Variants in UNC5D observed in about 807,000 individuals in gnomAD.
UNC5D encodes netrin receptor UNC5D.
Under a neutral mutation model 105.4 loss-of-function variants are expected in UNC5D, and 39 were observed. The observed-to-expected ratio is 0.37, with a 90% confidence interval of 0.29 to 0.48. The LOEUF is 0.48. UNC5D is among the 20% of genes least tolerant of loss of function. The probability of loss-of-function intolerance (pLI) is 0.98; values close to 1 mark genes in which losing one functional copy is unlikely to be tolerated. For missense variants in UNC5D, 991 were observed against 1,202.4 expected (o/e 0.82, Z 2.60); for synonymous variants, 452 against 450.4 (o/e 1.00, Z -0.04).
At chr8:35,521,572 G>A (rs953476002) in intron 1 of UNC5D, among the ~76,000 whole-genome samples, 2 of 152,090 alleles carry the variant, frequency 1.3e-5, no homozygotes, top group African/African-American at 4.8e-5. Context: ...CAAAACAGGA[G>A]TCCTCAAAAT....
At chr8:35,380,282 G>C (rs1017146774) in intron 1 of UNC5D, among the ~76,000 whole-genome samples, 10 of 151,060 alleles carry the variant, frequency 6.6e-5, no homozygotes, top group African/African-American at 2.4e-4. Flanking sequence ...TAAGGTCCTA[G>C]TCCCACTATG....
intron 2 of UNC5D, among the ~76,000 whole-genome samples, chr8:35,557,209 C>T (rs1816617156): frequency 6.6e-6 from 1 of 152,174 alleles, no homozygotes; most frequent in South Asian, 2.1e-4. Flanking sequence ...AATTTGCTTT[C>T]CTTTACCAGA....
At chr8:35,295,072 C>T (rs1337483248) in intron 1 of UNC5D, among the ~76,000 whole-genome samples, 1 of 152,130 alleles carries the variant, frequency 6.6e-6, no homozygotes, top group Admixed American at 6.6e-5. Context: ...ACTACAATAG[C>T]AACAGGAGGT....
At chr8:35,467,779 A>G (rs1032018182) in intron 1 of UNC5D, among the ~76,000 whole-genome samples, 18 of 152,148 alleles carry the variant, frequency 1.2e-4, no homozygotes, top group African/African-American at 4.3e-4. Flanking sequence ...ACCAAGCACT[A>G]TCTTCCAACA....
At chr8:35,645,393 C>G (rs1463150084) in intron 4 of UNC5D, among the ~76,000 whole-genome samples, 1 of 152,082 alleles carries the variant, frequency 6.6e-6, no homozygotes. Flanking sequence ...AGACAAGCTG[C>G]CCAGCTTGCA....
chr8:35,657,676 G>A (rs535713048), intron 4 of UNC5D, among the ~76,000 whole-genome samples: 7 of 152,032 alleles, frequency 4.6e-5, no homozygotes, highest in African/African-American at 7.2e-5. Context: ...TTATAGAAAC[G>A]AATTTTGTTA....
rs147473608 is a variant in UNC5D, at chr8:35,494,760, C to T, written c.104-54532C>T. Among the ~76,000 whole-genome samples, 555 of 152,206 alleles carry T rather than the reference C, an allele frequency of 3.6e-3. 7 individuals are homozygous for T. Among genetic ancestry groups the T allele is most frequent in the African/African-American group, 0.013 (522 of 41,550 alleles). On this transcript the variant is annotated intron_variant, in intron 1 of 16. Coordinates refer to ENST00000404895, the MANE Select transcript of UNC5D (RefSeq NM_080872.4). ...GCCATCTATAACATGAAAATATATT[C>T]GTTATATTTTTTGTGTGTGATTTTA...
chr8:35,267,373 T>C (rs547502521), intron 1 of UNC5D, among the ~76,000 whole-genome samples: 1 of 152,168 alleles, frequency 6.6e-6, no homozygotes, highest in Non-Finnish European at 1.5e-5. Flanking sequence ...AGAACAAGAC[T>C]GTTAAATTAG....
chr8:35,275,751 G>A lies in UNC5D; in HGVS notation c.103+39864G>A, dbSNP rs541116274. On this transcript the variant is annotated intron_variant, in intron 1 of 16. Coordinates refer to ENST00000404895, the MANE Select transcript of UNC5D (RefSeq NM_080872.4). ...GGCATAGTCAAGTTTATCTCCTGGG[G>A]CTTGAAGTAACATATGTAAAGTGCC... Among the ~76,000 whole-genome samples, 143 of 152,298 alleles carry A rather than the reference G, an allele frequency of 9.4e-4. 1 individual carries two copies. Among genetic ancestry groups the A allele is most frequent in the Admixed American group, 9.2e-3 (141 of 15,304 alleles).
At chr8:35,454,790 G>A (rs193121851) in intron 1 of UNC5D, among the ~76,000 whole-genome samples, 1 of 151,924 alleles carries the variant, frequency 6.6e-6, no homozygotes, top group African/African-American at 2.4e-5. Flanking sequence ...TCTGTCTTTT[G>A]TCAGTTTTAT....
chr8:35,283,544 G>C (rs756919407), intron 1 of UNC5D, among the ~76,000 whole-genome samples: 1 of 151,732 alleles, frequency 6.6e-6, no homozygotes. Context: ...GGCGGATCAC[G>C]AGATCAAGAG....
intron 1 of UNC5D, among the ~76,000 whole-genome samples, chr8:35,248,740 A>G (rs1803403537): frequency 1.0e-5 from 1 of 99,914 alleles, no homozygotes; most frequent in South Asian, 3.2e-4. Flanking sequence ...TATATAATAT[A>G]TATAAAATAT....
At chr8:35,724,232 G>GTTTTAT (rs1426091659) in intron 9 of UNC5D, 1 of 1,529,192 alleles carries the variant, frequency 6.5e-7, no homozygotes, top group Non-Finnish European at 8.7e-7. Flanking sequence ...TGACCATTTT[G>GTTTTAT]TTTTATTTTT....
intron 4 of UNC5D, among the ~76,000 whole-genome samples, chr8:35,611,666 G>A (rs1820689669): frequency 2.6e-5 from 4 of 152,182 alleles, no homozygotes. Flanking sequence ...ATAGCTGGAT[G>A]TATTAGAACA....
intron 4 of UNC5D, among the ~76,000 whole-genome samples, chr8:35,630,008 G>C (rs1821939889): frequency 6.6e-6 from 1 of 152,074 alleles, no homozygotes; most frequent in Non-Finnish European, 1.5e-5. Context: ...TTCCCTGGCA[G>C]TCTTTTTTAT....
chr8:35,443,031 C>T (rs1320704195), intron 1 of UNC5D, among the ~76,000 whole-genome samples: 4 of 151,672 alleles, frequency 2.6e-5, no homozygotes, highest in East Asian at 3.9e-4. Context: ...CAGGTAGCTT[C>T]CTCTGGGTTT....
intron 6 of UNC5D, 120 bp downstream of exon 6, chr8:35,684,869 C>T (rs960827124): frequency 7.0e-6 from 9 of 1,280,308 alleles, no homozygotes; most frequent in Non-Finnish European, 9.4e-6. Context: ...TAGAATAGAA[C>T]ATTTATCCAA....
chr8:35,396,701 TTGGCCAGGC>T (rs1225668117), intron 1 of UNC5D, among the ~76,000 whole-genome samples: 1 of 152,058 alleles, frequency 6.6e-6, no homozygotes, highest in African/African-American at 2.4e-5. Context: ...TTTCACCATG[TTGGCCAGGC>T]TGGTCTTGAA....
At chr8:35,617,497 T>C (rs775871628) in intron 4 of UNC5D, among the ~76,000 whole-genome samples, 2 of 152,200 alleles carry the variant, frequency 1.3e-5, no homozygotes, top group Non-Finnish European at 2.9e-5. Flanking sequence ...CCTCTTTCAT[T>C]GCATTGCACA....
Sources: gnomAD v4.1 joint callset for allele counts (sites outside exome capture counted in the v4.1 genomes callset) on GRCh38, gnomAD v4.1.1 for gene constraint, MANE v1.5 for transcripts, NCBI Gene and HGNC (gene_info 2026-07-23, HGNC 2026-07-21) for gene names.